Variants in TBC1D1 observed in about 807,000 individuals in gnomAD.
TBC1D1 encodes the protein TBC1 domain family member 1.
Under a neutral mutation model 125.6 loss-of-function variants are expected in TBC1D1, and 89 were observed. The observed-to-expected ratio is 0.71, with a 90% CI of 0.60 to 0.85. TBC1D1 has a LOEUF of 0.85. Among genes scored for constraint, TBC1D1 ranks in the 40% least tolerant of loss-of-function variants. The pLI is 0.00. For missense variants in TBC1D1, 1,377 were observed against 1,469.2 expected, an observed-to-expected ratio of 0.94 and a Z score of 1.03; for synonymous variants, 565 against 564.1, an observed-to-expected ratio of 1.00 and a Z score of -0.02.
chr4:38,127,772 T>C (rs1186361819), intron 18 of TBC1D1, among the ~76,000 whole-genome samples: 1 of 152,122 alleles, frequency 6.6e-6, no homozygotes, highest in Non-Finnish European at 1.5e-5. Flanking sequence ...CCCGGCCCCT[T>C]GTAGAAAGGC....
rs1764417280 is a variant in TBC1D1 at position 38,125,022 on chromosome 4, G to A, written c.3023G>A (p.Ser1008Asn). 6.2e-7 allele frequency: 1 copy of A among 1,613,942 alleles called. No homozygotes were observed. The highest frequency in any genetic ancestry group is 1.1e-5 in the South Asian group (1 of 91,084). The change falls in exon 18 of 20, where the codon AGC becomes AAC. Residue 1008 changes from serine to asparagine, a missense_variant. This residue lies in a region of TBC1D1 where 543 missense variants were observed against 613.5 expected (regional missense o/e 0.89). Coordinates refer to ENST00000261439, the MANE Select transcript of TBC1D1 (RefSeq NM_015173.4). ...AAAGTGGCTTTAAGTCTGTTGGGAA[G>A]CCATAAGCCCTTGATTCTGCAGCAT... is the stretch of plus-strand genomic sequence containing the variant.
rs1762055287 is a variant in TBC1D1 at position 38,110,674 on chromosome 4, A to G, written c.2558-5036A>G. On this transcript the variant is annotated intron_variant, in intron 15 of 19. Transcript: ENST00000261439. ...CACTTAACAGTCCCATTCTCATTTT[A>G]TATGTGAAGGTAATCTGCTTTACAG... 3 of 985,408 alleles carry G rather than the reference A, an allele frequency of 3.0e-6. No homozygotes were observed. In the African/African-American group the frequency reaches 5.2e-5, roughly 17 times the overall value. The allele number at this position is 985,408 out of a possible 1,614,324, so 61.0% of individuals were successfully genotyped here. A position where few individuals can be genotyped will look rare whatever the true frequency, so the allele number is the denominator to read the frequency against.
intron 12 of TBC1D1, among the ~76,000 whole-genome samples, chr4:38,078,734 A>G (rs1271735632): frequency 1.3e-5 from 2 of 152,190 alleles, no homozygotes; most frequent in African/African-American, 4.8e-5. Flanking sequence ...CCCCTCCAGA[A>G]CTGTGAGAAA....
At chr4:38,006,040 A>G (rs1740095297) in intron 2 of TBC1D1, among the ~76,000 whole-genome samples, 1 of 152,194 alleles carries the variant, frequency 6.6e-6, no homozygotes, top group Admixed American at 6.5e-5. Context: ...TTCTCATTTT[A>G]CATAGCAGGG....
Position 37,995,171 on chromosome 4 carries a change from C to A in TBC1D1, c.418-19338C>A, listed in dbSNP as rs1328012834. Among the ~76,000 whole-genome samples the A allele has an allele frequency of 6.6e-6, 1 of 152,120 alleles. No individual in the cohort carries two copies. The highest frequency in any genetic ancestry group is 1.5e-5 in the Non-Finnish European group (1 of 68,026). ...CAGCCCTCGGGAAACTGACCTGGAG[C>A]GATGGGTGCTAAAAGGAGATGAGAT... On this transcript the variant is annotated intron_variant, in intron 2 of 19. Transcript: ENST00000261439. The surrounding 1 kb of genome is among the most constrained non-coding windows in gnomAD (Gnocchi z 4.3).
intron 17 of TBC1D1, among the ~76,000 whole-genome samples, chr4:38,119,680 A>G (rs974438249): frequency 1.3e-5 from 2 of 152,246 alleles, no homozygotes; most frequent in Admixed American, 6.5e-5. Context: ...AAAATTATTA[A>G]TCTACCTTCC....
At chr4:38,118,896 A>G (rs1311729213) in intron 17 of TBC1D1, among the ~76,000 whole-genome samples, 34 of 152,220 alleles carry the variant, frequency 2.2e-4, no homozygotes, top group Non-Finnish European at 1.5e-4. Flanking sequence ...GTGTTCATAC[A>G]CAAAGCCTTC....
chr4:37,933,956 G>C (rs528539168), intron 2 of TBC1D1, among the ~76,000 whole-genome samples: 1 of 152,336 alleles, frequency 6.6e-6, no homozygotes, highest in African/African-American at 2.4e-5. Flanking sequence ...AGGCTGGAAG[G>C]TGGGGGATCC....
At chr4:38,105,047 A>T (rs533938109) in intron 15 of TBC1D1, among the ~76,000 whole-genome samples, 4 of 152,128 alleles carry the variant, frequency 2.6e-5, no homozygotes, top group South Asian at 2.1e-4. Flanking sequence ...GAGCCACCAC[A>T]CCCGGCCCCA....
chr4:37,918,371 AT>A (rs1720156159), intron 2 of TBC1D1, among the ~76,000 whole-genome samples: 1 of 151,876 alleles, frequency 6.6e-6, no homozygotes, highest in Admixed American at 6.6e-5. Context: ...ACGATTTTAG[AT>A]TTTTCTTTTT....
intron 2 of TBC1D1, among the ~76,000 whole-genome samples, chr4:37,972,655 C>T (rs767257108): frequency 9.9e-5 from 15 of 151,852 alleles, no homozygotes; most frequent in Middle Eastern, 3.4e-3. Flanking sequence ...CCTGTAATCC[C>T]AGCACTTTGG....
intron 19 of TBC1D1, 105 bp downstream of exon 21, chr4:38,133,362 T>C: frequency 2.0e-6 from 2 of 997,502 alleles, no homozygotes; most frequent in Non-Finnish European, 3.0e-6. Flanking sequence ...CAGAGGACCT[T>C]TCCCACCCTG....
intron 7 of TBC1D1, among the ~76,000 whole-genome samples, chr4:38,029,600 C>A (rs975277720): frequency 1.4e-4 from 22 of 152,290 alleles, no homozygotes; most frequent in African/African-American, 5.3e-4. Context: ...AACTCTTGAC[C>A]TTGTGATTTG....
intron 2 of TBC1D1, among the ~76,000 whole-genome samples, chr4:37,962,960 A>G (rs1337565595): frequency 6.6e-6 from 1 of 152,228 alleles, no homozygotes; most frequent in Non-Finnish European, 1.5e-5. Flanking sequence ...TAACATCTTC[A>G]TTACAGTCAG....
At position 38,027,795 on chromosome 4, in the gene TBC1D1, T is replaced by C; in HGVS notation, c.1218T>C (p.Asn406=). The C allele has an allele frequency of 6.2e-7, 1 of 1,609,800 alleles. No individual in the cohort carries two copies. The highest frequency in any genetic ancestry group is 8.5e-7 in the Non-Finnish European group (1 of 1,178,626). The stretch of plus-strand genomic sequence containing the variant: ...TCTTTTTTCTCTTAATAGGAATGAA[T>C]TCTTCCAAAACAAAACTAGAACTGC... The change falls in exon 7 of 20, where the codon AAT becomes AAC. Residue 406 remains asparagine, a synonymous_variant. Coordinates refer to ENST00000261439, the MANE Select transcript of TBC1D1 (RefSeq NM_015173.4).
chr4:37,939,947 C>T (rs1725198073), intron 2 of TBC1D1, among the ~76,000 whole-genome samples: 1 of 152,184 alleles, frequency 6.6e-6, no homozygotes, highest in South Asian at 2.1e-4. Context: ...AGTTTGAAGT[C>T]AGGTAGCATG....
At chr4:38,026,093 G>C (rs1158828181) in intron 6 of TBC1D1, among the ~76,000 whole-genome samples, 2 of 151,814 alleles carry the variant, frequency 1.3e-5, no homozygotes, top group African/African-American at 2.4e-5. Context: ...AAAAAAAAAG[G>C]CCCATTTCTA....
At chr4:37,955,017 G>A (rs1728659758) in intron 2 of TBC1D1, among the ~76,000 whole-genome samples, 1 of 151,670 alleles carries the variant, frequency 6.6e-6, no homozygotes, top group African/African-American at 2.4e-5. Context: ...TACATAATCA[G>A]GTGATACAAA....
At chr4:37,969,654 T>G (rs2381131) in intron 2 of TBC1D1, among the ~76,000 whole-genome samples, 109,933 of 152,154 alleles carry the variant, frequency 0.72, 40,041 homozygotes, top group East Asian at 0.96. Context: ...GCCAAAACTA[T>G]CCCTTTTAAG....
Sources: gnomAD v4.1 joint callset for allele counts (sites outside exome capture counted in the v4.1 genomes callset) on GRCh38, gnomAD v4.1.1 for gene constraint, gnomAD v4.1.1 regional missense constraint, Gnocchi (gnomAD v3.1) non-coding constraint, MANE v1.5 for transcripts, NCBI Gene and HGNC (gene_info 2026-07-23, HGNC 2026-07-21) for gene names.